Variants in AOPEP observed in about 807,000 individuals in gnomAD.
AOPEP encodes the protein aminopeptidase O (putative).
In AOPEP, 77 loss-of-function variants were observed where a neutral mutation model predicts 98.1. That is an observed-to-expected ratio of 0.78 (90% CI 0.65 to 0.95). The LOEUF (loss-of-function observed/expected upper bound fraction) is 0.95. Ranked by LOEUF, AOPEP falls within the 40% of genes least tolerant of loss-of-function variation. The pLI is 0.00. For synonymous variants in AOPEP, 346 were observed against 365.3 expected, an observed-to-expected ratio of 0.95 and a Z score of 0.60; for missense variants, 1,024 against 1,024.7, an observed-to-expected ratio of 1.00 and a Z score of 0.01.
intron 10 of AOPEP, among the ~76,000 whole-genome samples, chr9:94,977,308 C>A (rs534171055): frequency 9.2e-5 from 14 of 152,214 alleles, no homozygotes; most frequent in Admixed American, 2.6e-4. Context: ...GGTCAGGTTC[C>A]TGCCTGCAAC....
At chr9:95,092,072 G>A (rs1007947070), downstream of AOPEP, among the ~76,000 whole-genome samples, 1 of 151,072 alleles carries the variant, frequency 6.6e-6, no homozygotes, top group Admixed American at 6.6e-5. Flanking sequence ...GTGTGTGTGT[G>A]TGTGTGTGTG....
intron 1 of AOPEP, among the ~76,000 whole-genome samples, chr9:94,755,511 A>T (rs1000391698): frequency 6.6e-6 from 1 of 152,238 alleles, no homozygotes. Context: ...TATATAATTT[A>T]GGTTGGAAAT....
At chr9:94,831,125 C>T (rs1855880977) in intron 5 of AOPEP, among the ~76,000 whole-genome samples, 1 of 152,144 alleles carries the variant, frequency 6.6e-6, no homozygotes, top group African/African-American at 2.4e-5. Flanking sequence ...AAATCTTTGC[C>T]TGTGCCTGTG....
Position 94,789,312 on chromosome 9 carries a change from C to T in AOPEP, c.965-3453C>T, listed in dbSNP as rs564830692. Among the ~76,000 whole-genome samples the T allele has an allele frequency of 4.6e-5, 7 of 152,336 alleles. No homozygotes were observed. In the East Asian group the frequency reaches 1.4e-3, roughly 29 times the overall value. Reference sequence around the variant, plus strand: ...AACCTCTCTTTTTACCTGAAAGCCTCACCATTGCTGCTTATTTACTGAGCT... The same window carrying T: ...AACCTCTCTTTTTACCTGAAAGCCTTACCATTGCTGCTTATTTACTGAGCT... On this transcript the variant is annotated intron_variant, in intron 3 of 16. Transcript: ENST00000375315.
the AOPEP span, among the ~76,000 whole-genome samples, chr9:95,105,199 A>G: frequency 6.6e-6 from 1 of 152,176 alleles, no homozygotes; most frequent in Non-Finnish European, 1.5e-5. Flanking sequence ...ACTCCACAGG[A>G]CTGTCCTACC....
At chr9:94,957,893 T>C (rs1382637197) in intron 9 of AOPEP, among the ~76,000 whole-genome samples, 1 of 152,228 alleles carries the variant, frequency 6.6e-6, no homozygotes, top group African/African-American at 2.4e-5. Flanking sequence ...TATTTTAATG[T>C]TCATTTAATT....
At chr9:94,965,111 C>G (rs2138268786) in intron 9 of AOPEP, among the ~76,000 whole-genome samples, 1 of 152,276 alleles carries the variant, frequency 6.6e-6, no homozygotes, top group East Asian at 1.9e-4. Context: ...AAAATGATAA[C>G]TAAGAACCTC....
At chr9:95,081,685 A>G (rs955133197) in intron 15 of AOPEP, among the ~76,000 whole-genome samples, 11 of 152,164 alleles carry the variant, frequency 7.2e-5, no homozygotes, top group African/African-American at 2.4e-4. Flanking sequence ...AAAATTTAAG[A>G]GCAACTTTAT....
At chr9:95,069,537 C>T (rs557117349) in intron 14 of AOPEP, among the ~76,000 whole-genome samples, 42 of 150,792 alleles carry the variant, frequency 2.8e-4, no homozygotes, top group African/African-American at 8.0e-4. Flanking sequence ...TGGGCTCCCA[C>T]GTTGTACTTT....
At chr9:95,114,442 T>C in the AOPEP span, 1 of 691,748 alleles carries the variant, frequency 1.4e-6, no homozygotes, top group Non-Finnish European at 2.7e-6. Context: ...CTATTCATCC[T>C]GACCTGCTCC....
the AOPEP span, among the ~76,000 whole-genome samples, chr9:95,136,956 G>A: frequency 6.6e-6 from 1 of 152,282 alleles, no homozygotes; most frequent in Admixed American, 6.5e-5. Context: ...GCCCCCGAGA[G>A]CCACCTGCCC....
chr9:95,107,318 A>C, the AOPEP span: 40 of 1,567,844 alleles, frequency 2.6e-5, no homozygotes, highest in Non-Finnish European at 1.3e-5. Flanking sequence ...GGCAGGACAG[A>C]CATACTTCTA....
intron 5 of AOPEP, among the ~76,000 whole-genome samples, chr9:94,875,897 T>A (rs1337830337): frequency 6.6e-6 from 1 of 152,198 alleles, no homozygotes; most frequent in South Asian, 2.1e-4. Flanking sequence ...CTTACCTAGT[T>A]GAAGTGAGAC....
chr9:95,096,424 G>A, the AOPEP span, among the ~76,000 whole-genome samples: 1 of 152,144 alleles, frequency 6.6e-6, no homozygotes, highest in East Asian at 1.9e-4. Context: ...GCAACATGGG[G>A]AGCTGGTGGG....
At chr9:95,026,476 T>G (rs2063845731) in intron 13 of AOPEP, among the ~76,000 whole-genome samples, 1 of 152,256 alleles carries the variant, frequency 6.6e-6, no homozygotes, top group Non-Finnish European at 1.5e-5. Flanking sequence ...TTGTTTTCTT[T>G]CACTTAGCAT....
chr9:94,935,977 C>T (rs2056212802), intron 7 of AOPEP, among the ~76,000 whole-genome samples: 1 of 152,226 alleles, frequency 6.6e-6, no homozygotes, highest in African/African-American at 2.4e-5. Flanking sequence ...GCCTCTCCTT[C>T]ACTCCTTCCC....
At chr9:95,129,010 C>A in the AOPEP span, among the ~76,000 whole-genome samples, 1 of 151,836 alleles carries the variant, frequency 6.6e-6, no homozygotes, top group Non-Finnish European at 1.5e-5. Context: ...TCAAAAGATT[C>A]TCCTGCCTTA....
At chr9:94,836,695 C>G (rs1014775014) in intron 5 of AOPEP, among the ~76,000 whole-genome samples, 1 of 152,074 alleles carries the variant, frequency 6.6e-6, no homozygotes, top group African/African-American at 2.4e-5. Flanking sequence ...CAAGTAATTT[C>G]AGTTTTGATG....
intron 16 of AOPEP, among the ~76,000 whole-genome samples, chr9:95,084,796 C>T (rs1477530769): frequency 1.3e-5 from 2 of 152,106 alleles, no homozygotes; most frequent in East Asian, 1.9e-4. Flanking sequence ...AACCAGTCCC[C>T]GTGAGGAACA....
Sources: allele counts gnomAD v4.1 joint callset (sites outside exome capture counted in the v4.1 genomes callset), GRCh38; gene constraint gnomAD v4.1.1; transcripts MANE v1.5; gene names NCBI Gene and HGNC (gene_info 2026-07-23, HGNC 2026-07-21).